Variants in ASPH observed in about 807,000 individuals in gnomAD.
ASPH encodes the protein aspartate beta-hydroxylase.
ASPH carries 100 observed loss-of-function variants against 118.4 expected under a neutral mutation model. The ratio of observed to expected loss-of-function variants is 0.84; its 90% CI spans 0.72 to 1.00. The LOEUF is 1.00. Ranked by LOEUF, ASPH falls within the 50% of genes least tolerant of loss-of-function variation. The pLI is 0.00. For synonymous variants in ASPH, 315 were observed against 325.6 expected, an observed-to-expected ratio of 0.97 and a Z score of 0.35; for missense variants, 920 against 919.5, an observed-to-expected ratio of 1.00 and a Z score of -0.01.
intron 12 of ASPH, 22 bp from the exon 13 acceptor site, chr8:61,633,749 T>C: frequency 7.1e-6 from 11 of 1,558,426 alleles, no homozygotes; most frequent in Non-Finnish European, 9.6e-6. Flanking sequence ...AATAAAGTTA[T>C]AATCTGTTAC....
chr8:61,514,848 G>C (rs1366853298), intron 24 of ASPH, among the ~76,000 whole-genome samples: 3 of 152,060 alleles, frequency 2.0e-5, no homozygotes, highest in Non-Finnish European at 2.9e-5. Flanking sequence ...TTATAGGCAT[G>C]AACCACCTTG....
intron 15 of ASPH, 28 bp from the exon 16 acceptor site, chr8:61,576,886 A>G: frequency 6.6e-7 from 1 of 1,519,340 alleles, no homozygotes; most frequent in Non-Finnish European, 9.0e-7. Context: ...TTACATAAAT[A>G]AAATAAATTA....
At chr8:61,516,027 T>A (rs1810776916) in intron 24 of ASPH, among the ~76,000 whole-genome samples, 1 of 152,210 alleles carries the variant, frequency 6.6e-6, no homozygotes, top group African/African-American at 2.4e-5. Context: ...CTCCTATGAT[T>A]TAGTTTCTAA....
intron 22 of ASPH, among the ~76,000 whole-genome samples, chr8:61,524,966 G>A (rs918610427): frequency 1.3e-5 from 2 of 152,052 alleles, no homozygotes; most frequent in African/African-American, 4.8e-5. Context: ...AATATGGATT[G>A]TATAGCTCCA....
intron 14 of ASPH, chr8:61,606,954 G>A: frequency 3.9e-6 from 1 of 259,276 alleles, no homozygotes; most frequent in Non-Finnish European, 7.3e-6. Context: ...TTGCATGGAT[G>A]TAATCCTCAC....
intron 14 of ASPH, among the ~76,000 whole-genome samples, chr8:61,612,823 G>A (rs1847868815): frequency 6.6e-6 from 1 of 152,146 alleles, no homozygotes; most frequent in South Asian, 2.1e-4. Context: ...AGATTGATGG[G>A]TAAGGCTTAA....
intron 1 of ASPH, among the ~76,000 whole-genome samples, chr8:61,706,427 A>AAAGAAG (rs1215822515): frequency 9.6e-4 from 83 of 86,142 alleles, no homozygotes; most frequent in African/African-American, 3.9e-3. Context: ...AAAAAAAAAA[A>AAAGAAG]AAGAAGAAGA....
At chr8:61,637,768 CTGTT>C (rs1474744821) in intron 12 of ASPH, among the ~76,000 whole-genome samples, 175 bp downstream of exon 12, 1 of 152,186 alleles carries the variant, frequency 6.6e-6, no homozygotes, top group African/African-American at 2.4e-5. Flanking sequence ...TATTTATTAT[CTGTT>C]TGGCCACTGG....
At chr8:61,525,525 G>A (rs557487617) in intron 22 of ASPH, among the ~76,000 whole-genome samples, 2 of 152,280 alleles carry the variant, frequency 1.3e-5, no homozygotes, top group Non-Finnish European at 2.9e-5. Context: ...ACCAGCTGGT[G>A]TGTTACCATT....
rs1385505782 is a variant in ASPH at position 61,663,615 on chromosome 8, T to G, written c.323-9955A>C. The stretch of plus-strand genomic sequence containing the variant: ...AAACAAAGCAGCTGTAGAATTCCCT[T>G]TTTGGTTTACAATGTTCTTGTAATG... On this transcript the variant is annotated intron_variant, in intron 3 of 24. Coordinates refer to ENST00000379454, the MANE Select transcript of ASPH (RefSeq NM_004318.4). 3 of 985,270 alleles carry G rather than the reference T, an allele frequency of 3.0e-6. No individual in the cohort carries two copies. The African/African-American group carries it at 5.2e-5, about 17-fold the overall frequency. 61.0% of individuals were successfully genotyped at this position (985,270 alleles called of 1,614,324 possible). A position where few individuals can be genotyped will look rare whatever the true frequency, so the allele number is the denominator to read the frequency against.
chr8:61,598,823 A>C (rs555441609), intron 14 of ASPH, among the ~76,000 whole-genome samples: 1 of 152,330 alleles, frequency 6.6e-6, no homozygotes, highest in South Asian at 2.1e-4. Context: ...ATAAAACTAA[A>C]AATGCAGTAA....
At chr8:61,666,873 A>G (rs1819887523) in intron 3 of ASPH, among the ~76,000 whole-genome samples, 1 of 152,220 alleles carries the variant, frequency 6.6e-6, no homozygotes. Flanking sequence ...ATGGATGTGC[A>G]ATGCTATCAT....
At chr8:61,675,770 G>T in intron 3 of ASPH, 2 of 1,138,528 alleles carry the variant, frequency 1.8e-6, no homozygotes, top group Non-Finnish European at 2.2e-6. Context: ...ATTTAGTTCA[G>T]TGAATACATG....
At chr8:61,694,746 T>G (rs1161275589) in intron 1 of ASPH, among the ~76,000 whole-genome samples, 1 of 152,240 alleles carries the variant, frequency 6.6e-6, no homozygotes, top group East Asian at 1.9e-4. Flanking sequence ...TCAGCTATCA[T>G]CTACATGACT....
intron 14 of ASPH, among the ~76,000 whole-genome samples, chr8:61,600,302 T>A (rs879837344): frequency 0.01 from 1,542 of 150,022 alleles, 34 homozygotes; most frequent in African/African-American, 0.036. Flanking sequence ...AGAAAGCCTT[T>A]CCTCTAAGAA....
chr8:61,646,050 T>C (rs1376994280), intron 6 of ASPH, among the ~76,000 whole-genome samples: 3 of 152,126 alleles, frequency 2.0e-5, no homozygotes, highest in African/African-American at 7.2e-5. Flanking sequence ...CAGGGCATGG[T>C]AGCATATGCC....
intron 21 of ASPH, among the ~76,000 whole-genome samples, chr8:61,540,513 G>A (rs970747308): frequency 2.0e-5 from 3 of 152,134 alleles, no homozygotes; most frequent in Admixed American, 6.5e-5. Context: ...TATACAGCCT[G>A]CAGAACCGTG....
Position 61,503,421 on chromosome 8 carries a change from T to A in ASPH, c.2215A>T (p.Ile739Phe), listed in dbSNP as rs766051230. ...QDASSFRLIF[I>F]VDVWHPELTP... ...AGTTCCGGATGCCACACATCCACGA[T>A]GAATATCAGCCGGAAAGATGAGGCA... The change falls in exon 25 of 25, where the codon ATC becomes TTC. Residue 739 changes from isoleucine to phenylalanine, a missense_variant. Ile to Phe is a conservative substitution (Grantham distance 21, BLOSUM62 0). Coordinates refer to ENST00000379454, the MANE Select transcript of ASPH (RefSeq NM_004318.4). The A allele has an allele frequency of 2.5e-6, 4 of 1,613,266 alleles. No individual in the cohort carries two copies. The highest frequency in any genetic ancestry group is 3.4e-6 in the Non-Finnish European group (4 of 1,179,734).
intron 2 of ASPH, among the ~76,000 whole-genome samples, chr8:61,682,756 T>G (rs1277286255): frequency 1.3e-5 from 2 of 152,082 alleles, no homozygotes; most frequent in African/African-American, 4.8e-5. Flanking sequence ...AGCCAAAAAT[T>G]TGTTTGCCCT....
Sources: gnomAD v4.1 joint callset for allele counts (sites outside exome capture counted in the v4.1 genomes callset) on GRCh38, gnomAD v4.1.1 for gene constraint, MANE v1.5 for transcripts, NCBI Gene and HGNC (gene_info 2026-07-23, HGNC 2026-07-21) for gene names.